SCHIP1: variants seen among roughly 807,000 people sequenced by gnomAD.
SCHIP1 encodes the protein schwannomin interacting protein 1.
A neutral mutation model predicts 29.7 loss-of-function variants in SCHIP1; 8 were observed. The ratio of observed to expected loss-of-function variants is 0.27; its 90% CI spans 0.16 to 0.49. The LOEUF is 0.49. Among genes scored for constraint, SCHIP1 ranks in the 20% least tolerant of loss-of-function variants. The pLI is 0.99. For missense variants in SCHIP1, 193 were observed against 294.6 expected, an observed-to-expected ratio of 0.66 and a Z score of 2.52; for synonymous variants, 76 against 94.9, an observed-to-expected ratio of 0.80 and a Z score of 1.16.
At chr3:159,497,903 A>G in the SCHIP1 span, among the ~76,000 whole-genome samples, 4 of 152,114 alleles carry the variant, frequency 2.6e-5, no homozygotes, top group Non-Finnish European at 5.9e-5. Context: ...ATAACTAACC[A>G]TGGCAAATCT....
chr3:159,356,218 AAG>A, the SCHIP1 span, among the ~76,000 whole-genome samples: 1 of 152,182 alleles, frequency 6.6e-6, no homozygotes. Flanking sequence ...TAAAAAAAAA[AAG>A]AAAAAAGAAA....
At chr3:159,362,364 G>A in the SCHIP1 span, among the ~76,000 whole-genome samples, 1 of 152,188 alleles carries the variant, frequency 6.6e-6, no homozygotes, top group African/African-American at 2.4e-5. Context: ...CAGTCAGTGA[G>A]ATTTACTTAA....
At chr3:159,490,593 C>A in the SCHIP1 span, among the ~76,000 whole-genome samples, 2 of 152,150 alleles carry the variant, frequency 1.3e-5, no homozygotes, top group African/African-American at 2.4e-5. Flanking sequence ...TGCCAAAGTG[C>A]ATGCACACAA....
At position 159,888,809 on chromosome 3, in the gene SCHIP1, T is replaced by C. The variant is rs779106301; in HGVS notation, c.466-11T>C. On this transcript the variant is annotated splice_polypyrimidine_tract_variant and intron_variant, in intron 4 of 6. Transcript: ENST00000445224. ...GTTCACTCCTCCATTTCTTCTCCTT[T>C]GTATCTTCAGCTGCCACACATGCCT... 1.2e-6 allele frequency: 2 copies of C among 1,613,444 alleles called. No homozygotes were observed. Among genetic ancestry groups the C allele is most frequent in the South Asian group, 2.2e-5 (2 of 90,934 alleles).
At chr3:159,516,034 T>C in the SCHIP1 span, among the ~76,000 whole-genome samples, 1 of 152,098 alleles carries the variant, frequency 6.6e-6, no homozygotes, top group Non-Finnish European at 1.5e-5. Flanking sequence ...TGACCACATC[T>C]TCTACCTCTC....
intron 2 of SCHIP1, 145 bp from the exon 4 acceptor site, chr3:159,886,062 A>T (rs1035502473): frequency 2.8e-6 from 2 of 711,574 alleles, no homozygotes; most frequent in Admixed American, 2.6e-5. Context: ...AGTTATTTAT[A>T]TGTGGAGAGT....
chr3:159,326,662 T>C, the SCHIP1 span, among the ~76,000 whole-genome samples: 2 of 152,154 alleles, frequency 1.3e-5, no homozygotes, highest in African/African-American at 2.4e-5. Context: ...TTATATTCAT[T>C]TGGTCTTCTT....
At chr3:159,597,725 A>G in the SCHIP1 span, among the ~76,000 whole-genome samples, 1 of 152,184 alleles carries the variant, frequency 6.6e-6, no homozygotes, top group African/African-American at 2.4e-5. Context: ...TGTGAAGAGT[A>G]CTGCAATAAA....
chr3:159,854,961 G>T (rs753699814), intron 1 of SCHIP1, among the ~76,000 whole-genome samples: 1 of 152,146 alleles, frequency 6.6e-6, no homozygotes, highest in South Asian at 2.1e-4. Flanking sequence ...AGACATGTAC[G>T]GCTCAAGGAG....
the SCHIP1 span, among the ~76,000 whole-genome samples, chr3:159,534,705 T>G: frequency 1.3e-5 from 2 of 152,146 alleles, no homozygotes; most frequent in African/African-American, 4.8e-5. Context: ...GGTCACGTGG[T>G]TTCACTGTAA....
At position 159,849,246 on chromosome 3, in the gene SCHIP1, A is replaced by G. The variant is rs368624466; in HGVS notation, c.30+9032A>G. Among the ~76,000 whole-genome samples the G allele has an allele frequency of 7.8e-4, 119 of 152,266 alleles. 7 individuals are homozygous for G. The South Asian group carries it at 0.024, about 31-fold the overall frequency. On this transcript the variant is annotated intron_variant, in intron 1 of 6. Coordinates refer to ENST00000445224, the Ensembl canonical transcript of SCHIP1. ...TATATCATTACTATATTACTAGTAC[A>G]CATATATTAATCTGTATGTATATAT... is the stretch of plus-strand genomic sequence containing the variant.
At chr3:159,599,148 T>C in the SCHIP1 span, among the ~76,000 whole-genome samples, 1 of 152,224 alleles carries the variant, frequency 6.6e-6, no homozygotes, top group Non-Finnish European at 1.5e-5. Flanking sequence ...CATTCAGCCA[T>C]TCTATATCTT....
At chr3:159,813,665 G>A in the SCHIP1 span, among the ~76,000 whole-genome samples, 2 of 151,800 alleles carry the variant, frequency 1.3e-5, no homozygotes, top group Admixed American at 6.6e-5. Flanking sequence ...TCCAGCCTGG[G>A]CAACAGAGTG....
the SCHIP1 span, among the ~76,000 whole-genome samples, chr3:159,367,434 A>G: frequency 6.6e-6 from 1 of 151,494 alleles, no homozygotes; most frequent in Non-Finnish European, 1.5e-5. Flanking sequence ...AAAATTCTGT[A>G]GTCTCCTTTA....
chr3:159,485,132 C>T, the SCHIP1 span, among the ~76,000 whole-genome samples: 776 of 151,634 alleles, frequency 5.1e-3, 8 homozygotes, highest in African/African-American at 0.018. Context: ...TACTTTCTTC[C>T]CTGCTCCCTC....
chr3:159,493,469 A>G, the SCHIP1 span, among the ~76,000 whole-genome samples: 2 of 152,172 alleles, frequency 1.3e-5, no homozygotes, highest in South Asian at 2.1e-4. Context: ...TGGATAAAAC[A>G]GACTTTAAAC....
At chr3:159,293,662 G>A in the SCHIP1 span, among the ~76,000 whole-genome samples, 1 of 152,166 alleles carries the variant, frequency 6.6e-6, no homozygotes, top group African/African-American at 2.4e-5. Flanking sequence ...AGACAAATAG[G>A]AGACATAAGT....
the SCHIP1 span, among the ~76,000 whole-genome samples, chr3:159,795,201 G>C: frequency 6.6e-6 from 1 of 152,176 alleles, no homozygotes; most frequent in Non-Finnish European, 1.5e-5. Flanking sequence ...CGTGACCTTA[G>C]AGCAGGATAG....
the SCHIP1 span, among the ~76,000 whole-genome samples, chr3:159,477,920 C>G: frequency 3.1e-5 from 3 of 98,288 alleles, no homozygotes; most frequent in Non-Finnish European, 5.9e-5. Flanking sequence ...CATTTTAAAT[C>G]TTTTTTTTTT....
Sources: allele counts gnomAD v4.1 joint callset (sites outside exome capture counted in the v4.1 genomes callset), GRCh38; gene constraint gnomAD v4.1.1; transcripts MANE v1.5; gene names NCBI Gene and HGNC (gene_info 2026-07-23, HGNC 2026-07-21).